The following ATOSA variants were observed in gnomAD, a reference collection of about 807,000 sequenced individuals.
ATOSA encodes the protein atos homolog A.
the ATOSA span, among the ~76,000 whole-genome samples, chr15:52,701,592 A>G: frequency 0.011 from 1,694 of 152,310 alleles, 32 homozygotes; most frequent in African/African-American, 0.039. Flanking sequence ...ATGATCAGAA[A>G]TCTAAATGTG....
At chr15:52,582,370 AT>A in the ATOSA span, 1 of 1,386,852 alleles carries the variant, frequency 7.2e-7, no homozygotes, top group Non-Finnish European at 9.6e-7. Flanking sequence ...AACTAGAATA[AT>A]TAAAATTTGA....
the ATOSA span, among the ~76,000 whole-genome samples, chr15:52,662,775 A>G: frequency 6.6e-6 from 1 of 151,890 alleles, no homozygotes; most frequent in Non-Finnish European, 1.5e-5. Flanking sequence ...GTCTCAAAAA[A>G]AAAAAAAAAA....
the ATOSA span, among the ~76,000 whole-genome samples, chr15:52,709,539 A>T: frequency 3.9e-5 from 6 of 152,204 alleles, no homozygotes; most frequent in East Asian, 1.2e-3. Flanking sequence ...AGTCCCTTTC[A>T]CTTGTATGTT....
At chr15:52,604,753 T>A in the ATOSA span, among the ~76,000 whole-genome samples, 3 of 152,220 alleles carry the variant, frequency 2.0e-5, no homozygotes, top group Non-Finnish European at 2.9e-5. Flanking sequence ...GAGATTTATA[T>A]GTCTCAAGAT....
chr15:52,636,399 T>C, the ATOSA span, among the ~76,000 whole-genome samples: 2 of 152,076 alleles, frequency 1.3e-5, no homozygotes, highest in African/African-American at 4.8e-5. Context: ...GTCCTAACCC[T>C]CAAAGGGGAC....
chr15:52,707,276 G>A, the ATOSA span, among the ~76,000 whole-genome samples: 1 of 152,118 alleles, frequency 6.6e-6, no homozygotes, highest in Non-Finnish European at 1.5e-5. Context: ...TTTATTGATT[G>A]CAAAGGAACA....
chr15:52,659,469 T>C, the ATOSA span, among the ~76,000 whole-genome samples: 1 of 152,240 alleles, frequency 6.6e-6, no homozygotes, highest in African/African-American at 2.4e-5. Flanking sequence ...TGTCAAAATA[T>C]GGGTGTTTGG....
At chr15:52,614,388 G>A in the ATOSA span, among the ~76,000 whole-genome samples, 1 of 151,896 alleles carries the variant, frequency 6.6e-6, no homozygotes, top group African/African-American at 2.4e-5. Flanking sequence ...TTACAGGCAT[G>A]AGCCACTGAG....
the ATOSA span, chr15:52,585,000 C>G: frequency 1.4e-6 from 2 of 1,419,976 alleles, no homozygotes; most frequent in South Asian, 1.3e-5. Flanking sequence ...TGATGTGATT[C>G]AGAATGATTG....
At chr15:52,594,916 A>G in the ATOSA span, among the ~76,000 whole-genome samples, 2 of 152,318 alleles carry the variant, frequency 1.3e-5, no homozygotes, top group African/African-American at 4.8e-5. Context: ...CTATAGGATG[A>G]GGTCAACATT....
the ATOSA span, among the ~76,000 whole-genome samples, chr15:52,583,770 G>A: frequency 6.6e-6 from 1 of 152,324 alleles, no homozygotes; most frequent in South Asian, 2.1e-4. Flanking sequence ...TTCCCATGTG[G>A]CTTACATCAG....
chr15:52,630,686 A>C, the ATOSA span, among the ~76,000 whole-genome samples: 11 of 152,208 alleles, frequency 7.2e-5, no homozygotes, highest in Admixed American at 2.0e-4. Context: ...TAGGTAAATA[A>C]CCTAGAGAAA....
the ATOSA span, among the ~76,000 whole-genome samples, chr15:52,692,399 C>T: frequency 6.6e-6 from 1 of 152,170 alleles, no homozygotes. Flanking sequence ...CTCCATCACC[C>T]AGGCTGGAGT....
At chr15:52,675,376 A>G in the ATOSA span, among the ~76,000 whole-genome samples, 6 of 152,132 alleles carry the variant, frequency 3.9e-5, no homozygotes, top group Admixed American at 3.9e-4. Context: ...CAGCCAATAG[A>G]AAAAGAATTA....
At chr15:52,648,620 AC>A in the ATOSA span, 1 of 152,130 alleles carries the variant, frequency 6.6e-6, no homozygotes, top group South Asian at 2.1e-4. Flanking sequence ...AAAACAAAAC[AC>A]CTTCAAAATA....
the ATOSA span, among the ~76,000 whole-genome samples, chr15:52,682,627 TGA>T: frequency 6.6e-6 from 1 of 152,188 alleles, no homozygotes; most frequent in African/African-American, 2.4e-5. Flanking sequence ...AATAAGTGGT[TGA>T]GAGTCAAATG....
At chr15:52,654,166 T>C in the ATOSA span, among the ~76,000 whole-genome samples, 1 of 151,994 alleles carries the variant, frequency 6.6e-6, no homozygotes, top group Non-Finnish European at 1.5e-5. Flanking sequence ...TATAAATCTA[T>C]TGATGTCATA....
At chr15:52,605,978 A>G in the ATOSA span, among the ~76,000 whole-genome samples, 2 of 152,056 alleles carry the variant, frequency 1.3e-5, no homozygotes, top group Non-Finnish European at 2.9e-5. Context: ...TACAATTATA[A>G]TAATATGCCA....
At chr15:52,708,700 T>A in the ATOSA span, among the ~76,000 whole-genome samples, 10 of 152,026 alleles carry the variant, frequency 6.6e-5, no homozygotes, top group Admixed American at 4.6e-4. Flanking sequence ...TCTGTTCCAG[T>A]TGGTCAAAAA....
Sources: gnomAD v4.1 joint callset for allele counts (sites outside exome capture counted in the v4.1 genomes callset) on GRCh38, gnomAD v4.1.1 for gene constraint, MANE v1.5 for transcripts, NCBI Gene and HGNC (gene_info 2026-07-23, HGNC 2026-07-21) for gene names.